Variants in ATF6 observed in about 807,000 individuals in gnomAD.
ATF6 encodes activating transcription factor 6.
Under a neutral mutation model 83.6 loss-of-function variants are expected in ATF6, and 53 were observed. That is an observed-to-expected ratio of 0.63 (90% confidence interval 0.51 to 0.80). The LOEUF (loss-of-function observed/expected upper bound fraction) is 0.80. Among genes scored for constraint, ATF6 ranks in the 30% least tolerant of loss-of-function variants. The pLI is 0.00. For missense variants in ATF6, 744 were observed against 797.9 expected, an observed-to-expected ratio of 0.93 and a Z score of 0.81; for synonymous variants, 288 against 285.8, an observed-to-expected ratio of 1.01 and a Z score of -0.08.
chr1:161,865,894 T>C (rs533152539), intron 14 of ATF6, among the ~76,000 whole-genome samples: 33 of 152,344 alleles, frequency 2.2e-4, no homozygotes, highest in African/African-American at 7.5e-4. Context: ...ACAGGAATTT[T>C]GTTCTTTAAT....
At chr1:161,801,359 CTTTTTTTTT>C (rs1170991022) in intron 6 of ATF6, among the ~76,000 whole-genome samples, 31 of 95,300 alleles carry the variant, frequency 3.3e-4, no homozygotes, top group African/African-American at 1.2e-3. Flanking sequence ...TATTTGTAGT[CTTTTTTTTT>C]TTTTTTTTTT....
intron 14 of ATF6, among the ~76,000 whole-genome samples, chr1:161,880,330 GT>G (rs911063313): frequency 2.0e-4 from 22 of 108,320 alleles, no homozygotes; most frequent in Non-Finnish European, 3.5e-4. Flanking sequence ...TGATATGTAT[GT>G]GTGTGTGTGT....
At chr1:161,909,905 GAGATCGT>G (rs1330347724) in intron 14 of ATF6, among the ~76,000 whole-genome samples, 3 of 152,144 alleles carry the variant, frequency 2.0e-5, no homozygotes, top group Non-Finnish European at 1.5e-5. Context: ...GCAGTGAATG[GAGATCGT>G]GCCACTGCAC....
At chr1:161,860,086 A>G (rs1036849443) in intron 12 of ATF6, 121 bp from the exon 13 acceptor site, 10 of 523,308 alleles carry the variant, frequency 1.9e-5, no homozygotes, top group Middle Eastern at 5.1e-4. Context: ...TTTGAACTGA[A>G]TATGTCAGAA....
chr1:161,849,952 T>C (rs1168940351), intron 10 of ATF6, among the ~76,000 whole-genome samples: 6 of 152,190 alleles, frequency 3.9e-5, no homozygotes, highest in Admixed American at 1.3e-4. Context: ...CTGATTCCTG[T>C]CTTTCAACAA....
At chr1:161,910,493 G>A (rs1156828834) in intron 14 of ATF6, among the ~76,000 whole-genome samples, 1 of 152,184 alleles carries the variant, frequency 6.6e-6, no homozygotes, top group Non-Finnish European at 1.5e-5. Context: ...AAAAGTAGGA[G>A]ACATTGTGTT....
chr1:161,866,019 T>A (rs765749406), intron 14 of ATF6, among the ~76,000 whole-genome samples: 11 of 152,156 alleles, frequency 7.2e-5, no homozygotes, highest in Non-Finnish European at 1.6e-4. Flanking sequence ...ATTAAAAAGG[T>A]GAGTGGCATC....
chr1:161,911,022 T>G (rs1687981856), intron 14 of ATF6, among the ~76,000 whole-genome samples: 1 of 152,228 alleles, frequency 6.6e-6, no homozygotes, highest in Admixed American at 6.5e-5. Context: ...TTTTTCACTT[T>G]TTAGATTTTT....
chr1:161,952,694 T>C (rs571327408), intron 15 of ATF6, among the ~76,000 whole-genome samples: 1 of 152,270 alleles, frequency 6.6e-6, no homozygotes, highest in Non-Finnish European at 1.5e-5. Context: ...ATCATAATGC[T>C]TCTATTGCAT....
At chr1:161,953,060 C>T (rs907595509) in intron 15 of ATF6, among the ~76,000 whole-genome samples, 1 of 152,084 alleles carries the variant, frequency 6.6e-6, no homozygotes, top group African/African-American at 2.4e-5. Context: ...GAGCTTGTTA[C>T]AAGAATTAGA....
intron 1 of ATF6, among the ~76,000 whole-genome samples, 168 bp from the exon 2 acceptor site, chr1:161,778,076 A>G (rs375539478): frequency 1.4e-4 from 21 of 152,248 alleles, no homozygotes; most frequent in East Asian, 1.9e-4. Flanking sequence ...AAAACAACAC[A>G]TAAATTGGAA....
In ATF6 at chr1:161,802,224, C is replaced by T. The variant is rs16847240; in HGVS notation, c.861C>T (p.Ser287=). 2,759 of 1,613,954 alleles carry T rather than the reference C, an allele frequency of 1.7e-3. 38 individuals are homozygous for T. In the African/African-American group the frequency reaches 0.031, roughly 18 times the overall value. ...ATAGCCCAGTGAATGGAAAACTTTC[C>T]GTGACTAAACCTGTCCTACAAAGTA... The part of the protein sequence containing the change: ...SANSPVNGKL[S]VTKPVLQSTM... Residue 287 remains serine, a synonymous_variant, in exon 7 of 16, where the codon TCC becomes TCT. Transcript: ENST00000367942.
intron 15 of ATF6, among the ~76,000 whole-genome samples, chr1:161,944,171 GTAAGT>G (rs542640012): frequency 7.2e-5 from 11 of 152,184 alleles, no homozygotes; most frequent in Non-Finnish European, 1.5e-4. Flanking sequence ...CGAAAAAGTT[GTAAGT>G]TAAGTTCTGA....
chr1:161,812,989 A>C (rs1685512760), intron 7 of ATF6, among the ~76,000 whole-genome samples: 1 of 152,082 alleles, frequency 6.6e-6, no homozygotes, highest in Non-Finnish European at 1.5e-5. Flanking sequence ...TGGTGTCATC[A>C]TTACTCTGTG....
intron 14 of ATF6, among the ~76,000 whole-genome samples, chr1:161,882,739 A>G (rs1415056636): frequency 6.6e-6 from 1 of 151,108 alleles, no homozygotes; most frequent in Non-Finnish European, 1.5e-5. Context: ...ATCAGGTAGC[A>G]TGGGCTTTGG....
intron 4 of ATF6, among the ~76,000 whole-genome samples, chr1:161,789,470 T>C (rs1329614688): frequency 1.3e-5 from 2 of 152,040 alleles, no homozygotes; most frequent in Admixed American, 1.3e-4. Flanking sequence ...TTTCTAAGTG[T>C]ATATTAATAC....
rs76485377 is a variant in ATF6 at position 161,958,694 on chromosome 1, G to A, written c.*40G>A. On this transcript the variant is annotated 3_prime_UTR_variant, in exon 16 of 16. Transcript: ENST00000367942. Reference sequence around the variant, plus strand: ...GCTGGAAAACTGAGCGTGGGACCCTGCCAGACTGAAGAGCAGGTGAGCAAA... The same window carrying A: ...GCTGGAAAACTGAGCGTGGGACCCTACCAGACTGAAGAGCAGGTGAGCAAA... 1.3e-3 allele frequency: 2,007 copies of A among 1,535,520 alleles called. 23 individuals are homozygous for A. In the African/African-American group the frequency reaches 0.023, roughly 17 times the overall value.
intron 14 of ATF6, among the ~76,000 whole-genome samples, chr1:161,900,446 T>G (rs960409612): frequency 2.0e-5 from 3 of 152,184 alleles, no homozygotes; most frequent in Non-Finnish European, 4.4e-5. Context: ...ACGAGCCTGC[T>G]GAACTGGGAG....
chr1:161,918,140 A>G (rs1688138547), intron 15 of ATF6, among the ~76,000 whole-genome samples: 1 of 152,186 alleles, frequency 6.6e-6, no homozygotes, highest in Non-Finnish European at 1.5e-5. Flanking sequence ...GAGCAGTATA[A>G]CATAATACAG....
Sources: allele counts gnomAD v4.1 joint callset (sites outside exome capture counted in the v4.1 genomes callset), GRCh38; gene constraint gnomAD v4.1.1; transcripts MANE v1.5; gene names NCBI Gene and HGNC (gene_info 2026-07-23, HGNC 2026-07-21).